The following MAGI2 variants were observed in gnomAD, a reference collection of about 807,000 sequenced individuals.
MAGI2 encodes the protein membrane-associated guanylate kinase, WW and PDZ domain-containing protein 2.
Under a neutral mutation model 133.3 loss-of-function variants are expected in MAGI2, and 35 were observed. That is an observed-to-expected ratio of 0.26 (90% CI 0.20 to 0.35). MAGI2 has a LOEUF of 0.35. MAGI2 is among the 10% of genes least tolerant of loss of function. The pLI, the probability that MAGI2 is intolerant of heterozygous loss-of-function variation, is 1.00. For missense variants in MAGI2, 1,636 were observed against 1,863.4 expected, an observed-to-expected ratio of 0.88 and a Z score of 2.25; for synonymous variants, 729 against 710.6, an observed-to-expected ratio of 1.03 and a Z score of -0.41.
intron 2 of MAGI2, among the ~76,000 whole-genome samples, chr7:78,646,696 T>C (rs1268700400): frequency 1.3e-5 from 2 of 152,232 alleles, no homozygotes; most frequent in Non-Finnish European, 2.9e-5. Flanking sequence ...AAAGAAAGAT[T>C]GTTGAACTTA....
At chr7:78,590,126 G>A (rs1244949006) in intron 3 of MAGI2, among the ~76,000 whole-genome samples, 2 of 152,226 alleles carry the variant, frequency 1.3e-5, no homozygotes, top group African/African-American at 4.8e-5. Context: ...GCAGAAGAGG[G>A]AGTAGTTTTG....
At chr7:79,205,710 T>C (rs1347984725) in intron 1 of MAGI2, among the ~76,000 whole-genome samples, 2 of 151,738 alleles carry the variant, frequency 1.3e-5, no homozygotes, top group African/African-American at 4.8e-5. Flanking sequence ...ACTGTGGCTT[T>C]AAAAATTCAA....
intron 1 of MAGI2, among the ~76,000 whole-genome samples, chr7:79,362,921 TTC>T (rs1842452998): frequency 6.6e-6 from 1 of 151,864 alleles, no homozygotes; most frequent in East Asian, 2.0e-4. Flanking sequence ...ATTACTCTTA[TTC>T]ATTATAGTAC....
chr7:78,977,459 CAAAGAAAGAAAG>C (rs71095371), intron 2 of MAGI2, among the ~76,000 whole-genome samples: 9,622 of 138,092 alleles, frequency 0.07, 458 homozygotes, highest in African/African-American at 0.098. Context: ...TTACAATTTA[CAAAGAAAGAAAG>C]AAAGAAAGAA....
chr7:79,199,956 A>G (rs1414457785), intron 1 of MAGI2, among the ~76,000 whole-genome samples: 1 of 151,954 alleles, frequency 6.6e-6, no homozygotes, highest in Admixed American at 6.5e-5. Context: ...ACTAAGAAAT[A>G]TATCACTAAT....
intron 1 of MAGI2, among the ~76,000 whole-genome samples, chr7:79,338,781 C>A (rs1019419891): frequency 7.2e-5 from 11 of 152,016 alleles, no homozygotes; most frequent in African/African-American, 2.7e-4. Flanking sequence ...CCCTAAATAC[C>A]AATGTCAGTG....
chr7:78,373,815 GT>G, intron 6 of MAGI2, among the ~76,000 whole-genome samples: 1 of 152,118 alleles, frequency 6.6e-6, no homozygotes, highest in East Asian at 1.9e-4. Context: ...AATATCCAGT[GT>G]TTAGCTCCCA....
chr7:79,182,548 G>A (rs1324110909), intron 1 of MAGI2, among the ~76,000 whole-genome samples: 1 of 151,922 alleles, frequency 6.6e-6, no homozygotes, highest in African/African-American at 2.4e-5. Context: ...CCACATCAGT[G>A]AGCATGACAG....
At chr7:78,338,492 A>C (rs1790009202) in intron 9 of MAGI2, among the ~76,000 whole-genome samples, 2 of 152,326 alleles carry the variant, frequency 1.3e-5, no homozygotes, top group South Asian at 2.1e-4. Flanking sequence ...CATTGATATA[A>C]ATACTCATTA....
At chr7:78,643,963 A>G (rs1206923041) in intron 2 of MAGI2, among the ~76,000 whole-genome samples, 1 of 152,156 alleles carries the variant, frequency 6.6e-6, no homozygotes, top group East Asian at 1.9e-4. Context: ...TAAATATAAT[A>G]ATGCAAAAAA....
At chr7:79,126,970 T>A (rs1820466952) in intron 1 of MAGI2, among the ~76,000 whole-genome samples, 1 of 138,334 alleles carries the variant, frequency 7.2e-6, no homozygotes, top group South Asian at 2.3e-4. Context: ...CCCACAACAG[T>A]CCCCAGAGTG....
intron 1 of MAGI2, among the ~76,000 whole-genome samples, chr7:79,402,952 C>A (rs1377008625): frequency 6.6e-6 from 1 of 152,136 alleles, no homozygotes; most frequent in Non-Finnish European, 1.5e-5. Flanking sequence ...CACTTAGGTA[C>A]CCTGTTCCTC....
chr7:79,108,658 A>G (rs540087839), intron 1 of MAGI2, among the ~76,000 whole-genome samples: 1 of 152,298 alleles, frequency 6.6e-6, no homozygotes, highest in South Asian at 2.1e-4. Context: ...AGATTTTACC[A>G]TATAACTGTC....
chr7:78,447,268 C>T (rs982646187), intron 6 of MAGI2, among the ~76,000 whole-genome samples: 11 of 151,562 alleles, frequency 7.3e-5, no homozygotes, highest in African/African-American at 9.7e-5. Flanking sequence ...GTATACATTG[C>T]GTAAAAACTA....
At chr7:79,391,178 A>G (rs1181159640) in intron 1 of MAGI2, among the ~76,000 whole-genome samples, 1 of 152,174 alleles carries the variant, frequency 6.6e-6, no homozygotes, top group Non-Finnish European at 1.5e-5. Context: ...TAACAAATTA[A>G]AGCCTAAATG....
Position 78,257,179 on chromosome 7 carries a change from G to C in MAGI2, c.1409-598C>G, listed in dbSNP as rs150219245. Among the ~76,000 whole-genome samples, 213 of 152,238 alleles carry C rather than the reference G, an allele frequency of 1.4e-3. 2 individuals carry two copies. Among genetic ancestry groups the C allele is most frequent in the East Asian group, 8.3e-3 (43 of 5,178 alleles). On this transcript the variant is annotated intron_variant, in intron 9 of 21. Coordinates refer to ENST00000354212, the MANE Select transcript of MAGI2 (RefSeq NM_012301.4). The stretch of plus-strand genomic sequence containing the variant: ...GATTAGGGAGCTGGGTTGACACCTT[G>C]GCTCTACTATTTAACAGATACATGA...
chr7:79,118,216 A>G (rs1468570190), intron 1 of MAGI2, among the ~76,000 whole-genome samples: 1 of 152,154 alleles, frequency 6.6e-6, no homozygotes, highest in Non-Finnish European at 1.5e-5. Context: ...TTCTGGTGTC[A>G]TTATTAATAG....
chr7:78,062,057 T>C (rs374906977), intron 21 of MAGI2, among the ~76,000 whole-genome samples: 3 of 152,134 alleles, frequency 2.0e-5, no homozygotes, highest in African/African-American at 7.2e-5. Context: ...TCAACAAGAG[T>C]GCGACATTTT....
At chr7:78,437,599 A>G (rs1014826402) in intron 6 of MAGI2, among the ~76,000 whole-genome samples, 1 of 152,160 alleles carries the variant, frequency 6.6e-6, no homozygotes, top group Non-Finnish European at 1.5e-5. Flanking sequence ...GGGTATATGA[A>G]GAGGTAATAC....
Sources: gnomAD v4.1 joint callset for allele counts (sites outside exome capture counted in the v4.1 genomes callset) on GRCh38, gnomAD v4.1.1 for gene constraint, MANE v1.5 for transcripts, NCBI Gene and HGNC (gene_info 2026-07-23, HGNC 2026-07-21) for gene names.